Variants in ZAP70 observed in about 807,000 individuals in gnomAD.
ZAP70 encodes tyrosine-protein kinase ZAP-70.
Under a neutral mutation model 65.8 loss-of-function variants are expected in ZAP70, and 27 were observed. The ratio of observed to expected loss-of-function variants is 0.41; its 90% CI spans 0.30 to 0.57. ZAP70 has a LOEUF of 0.57. Ranked by LOEUF, ZAP70 falls within the 20% of genes least tolerant of loss-of-function variation. The pLI is 0.28. For missense variants in ZAP70, 696 were observed against 870.5 expected, an observed-to-expected ratio of 0.80 and a Z score of 2.52; for synonymous variants, 363 against 360.8, an observed-to-expected ratio of 1.01 and a Z score of -0.07.
Position 97,724,051 on chromosome 2 carries a change from G to A in ZAP70, c.15G>A (p.Ala5=). ...GCCCAGGGGCGATGCCAGACCCCGC[G>A]GCGCACCTGCCCTTCTTCTACGGCA... The part of the protein sequence containing the change: MPDP[A]AHLPFFYGSI... Residue 5 remains alanine, a synonymous_variant, in exon 3 of 14, where the codon GCG becomes GCA. Coordinates refer to ENST00000264972, the MANE Select transcript of ZAP70 (RefSeq NM_001079.4). The A allele has an allele frequency of 6.4e-7, 1 of 1,553,440 alleles. No homozygotes were observed. The highest frequency in any genetic ancestry group is 8.7e-7 in the Non-Finnish European group (1 of 1,155,478).
In ZAP70 at chr2:97,725,025, C is replaced by G. The variant is rs1677324783; in HGVS notation, c.403-67C>G. Reference sequence around the variant, plus strand: ...TGGGGAGTCCTCTGGGACAGGGCTCCCGGAAGGGGGTTCCTGTGGCGAGCA... The same window carrying G: ...TGGGGAGTCCTCTGGGACAGGGCTCGCGGAAGGGGGTTCCTGTGGCGAGCA... On this transcript the variant is annotated intron_variant, in intron 3 of 13. Transcript: ENST00000264972. The G allele has an allele frequency of 1.9e-6, 3 of 1,602,244 alleles. No homozygotes were observed. The Admixed American group carries it at 5.1e-5, about 27-fold the overall frequency.
rs573777558 is a variant in ZAP70, at chr2:97,736,687, G to A, written c.1290-786G>A. Among the ~76,000 whole-genome samples, 2 of 152,278 alleles carry A rather than the reference G, an allele frequency of 1.3e-5. No homozygotes were observed. Among genetic ancestry groups the A allele is most frequent in the African/African-American group, 4.8e-5 (2 of 41,562 alleles). On this transcript the variant is annotated intron_variant, in intron 10 of 13. Transcript: ENST00000264972. This position sits in a 1 kb window ranked among gnomAD's most constrained non-coding sequence, Gnocchi z 4.0. ...AGGTTTGAACAAACTGAGGGAGGCC[G>A]CCATGCCCAGACGTGGGGAAGGGCA...
At chr2:97,723,137 C>A (rs1677224547) in intron 2 of ZAP70, among the ~76,000 whole-genome samples, 2 of 152,210 alleles carry the variant, frequency 1.3e-5, no homozygotes, top group African/African-American at 2.4e-5. Context: ...AATTCCTCCT[C>A]CCCTCAATCA....
At chr2:97,750,241 G>A in the ZAP70 span, among the ~76,000 whole-genome samples, 181 of 152,324 alleles carry the variant, frequency 1.2e-3, no homozygotes, top group Non-Finnish European at 2.0e-3. Context: ...GCAACGCACC[G>A]CAGTTAAAGC....
rs77987873 is a variant in ZAP70 at position 97,727,842 on chromosome 2, C to T, written c.563+2590C>T. The stretch of plus-strand genomic sequence containing the variant: ...TTCCCTCCCCACCCCCATCTCTCTT[C>T]CTCATCTTGCACTCACACACACACA... On this transcript the variant is annotated intron_variant, in intron 4 of 13. Transcript: ENST00000264972. 4.5e-3 allele frequency among the ~76,000 whole-genome samples: 683 copies of T among 152,274 alleles called. 14 individuals are homozygous for T. The East Asian group carries it at 0.067, about 15-fold the overall frequency.
At chr2:97,718,251 T>C (rs906735680) in intron 2 of ZAP70, among the ~76,000 whole-genome samples, 2 of 152,066 alleles carry the variant, frequency 1.3e-5, no homozygotes, top group Non-Finnish European at 2.9e-5. Flanking sequence ...ACAGAAACAT[T>C]TGATCCCCTG....
chr2:97,725,319 G>C, intron 4 of ZAP70, 67 bp downstream of exon 4: 1 of 1,588,696 alleles, frequency 6.3e-7, no homozygotes, highest in Non-Finnish European at 8.6e-7. Context: ...CTGGGGACTG[G>C]GGCAGACGTG....
Position 97,737,357 on chromosome 2 carries a change from C to A in ZAP70, c.1290-116C>A. On this transcript the variant is annotated intron_variant, in intron 10 of 13. Coordinates refer to ENST00000264972, the MANE Select transcript of ZAP70 (RefSeq NM_001079.4). The surrounding 1 kb of genome is among the most constrained non-coding windows in gnomAD (Gnocchi z 5.0). ...TGGCACACAGCAGGTGCTCAATAAG[C>A]GTTTTTGAACACATGGTCACCTGGC... is the stretch of plus-strand genomic sequence containing the variant. 1 of 1,090,392 alleles carries A rather than the reference C, an allele frequency of 9.2e-7. No homozygotes were observed. The highest frequency in any genetic ancestry group is 1.4e-6 in the Non-Finnish European group (1 of 725,092). The allele number at this position is 1,090,392 out of a possible 1,614,324, so 67.5% of individuals were successfully genotyped here. A position where few individuals can be genotyped will look rare whatever the true frequency, so the allele number is the denominator to read the frequency against.
chr2:97,753,635 AC>A, the ZAP70 span, among the ~76,000 whole-genome samples: 2 of 152,180 alleles, frequency 1.3e-5, no homozygotes, highest in Admixed American at 6.5e-5. Context: ...AGGTAAAAAA[AC>A]ATTTAAAAAA....
chr2:97,734,817 T>C, intron 9 of ZAP70, 105 bp downstream of exon 9: 1 of 1,469,222 alleles, frequency 6.8e-7, no homozygotes, highest in Non-Finnish European at 9.4e-7. Context: ...CACAGCAGTT[T>C]GCCTGGGAAA....
intron 13 of ZAP70, 50 bp from the exon 14 acceptor site, chr2:97,739,325 T>G: frequency 6.2e-7 from 1 of 1,608,426 alleles, no homozygotes; most frequent in South Asian, 1.1e-5. Context: ...CTGGTGAAGC[T>G]GGGTCCTGGG....
chr2:97,732,600 G>A (rs559421635), intron 4 of ZAP70: 15 of 530,004 alleles, frequency 2.8e-5, no homozygotes, highest in Admixed American at 9.6e-5. Flanking sequence ...GGTGTCCACC[G>A]TGGGGGGTCA....
At chr2:97,756,140 C>T in the ZAP70 span, among the ~76,000 whole-genome samples, 6 of 150,918 alleles carry the variant, frequency 4.0e-5, no homozygotes, top group African/African-American at 1.5e-4. Flanking sequence ...AAGTTGTTTT[C>T]GATCAAGGAC....
rs1239464277 is a variant in ZAP70, at chr2:97,715,221, G to A, written c.-22+1227G>A. 6.6e-6 allele frequency among the ~76,000 whole-genome samples: 1 copy of A among 152,156 alleles called. No homozygotes were observed. The highest frequency in any genetic ancestry group is 2.4e-5 in the African/African-American group (1 of 41,436). Reference sequence around the variant, plus strand: ...AGGGTTAAGGCAGCCATTCTCATCAGAGCCAATTTTACCTCCTCCCGTCTC... The same window carrying A: ...AGGGTTAAGGCAGCCATTCTCATCAAAGCCAATTTTACCTCCTCCCGTCTC... On this transcript the variant is annotated intron_variant, in intron 2 of 13. Transcript: ENST00000264972. The surrounding 1 kb of genome is among the most constrained non-coding windows in gnomAD (Gnocchi z 4.1).
intron 2 of ZAP70, among the ~76,000 whole-genome samples, chr2:97,718,821 A>G (rs1021104475): frequency 1.3e-5 from 2 of 152,154 alleles, no homozygotes; most frequent in African/African-American, 2.4e-5. Flanking sequence ...CTCTGCACCC[A>G]TGGTCCTTGG....
chr2:97,733,839 C>A (rs535112223), intron 8 of ZAP70: 4 of 597,546 alleles, frequency 6.7e-6, no homozygotes, highest in East Asian at 2.8e-5. Flanking sequence ...CCCAGACACA[C>A]GTTTGTTGAG....
chr2:97,739,617 A>AG lies in ZAP70; in HGVS notation c.*124dup. 1 of 1,436,394 alleles carries AG rather than the reference A, an allele frequency of 7.0e-7. No homozygotes were observed. Among genetic ancestry groups the AG allele is most frequent in the Non-Finnish European group, 9.4e-7 (1 of 1,066,554 alleles). 89.0% of individuals were successfully genotyped at this position (1,436,394 alleles called of 1,614,324 possible). A position where few individuals can be genotyped will look rare whatever the true frequency, so the allele number is the denominator to read the frequency against. ...TCTCCACACACAGCTGGGCTGTGGT[A>AG]GGGGGTGTCTCAGGCCACACCGGCC... On this transcript the variant is annotated 3_prime_UTR_variant, in exon 14 of 14. Transcript: ENST00000264972.
chr2:97,724,559 C>A (rs1247686918), intron 3 of ZAP70, 121 bp downstream of exon 3: 3 of 1,532,980 alleles, frequency 2.0e-6, no homozygotes, highest in Non-Finnish European at 2.6e-6. Flanking sequence ...CCTTTGGAAG[C>A]TGGAGAGGTG....
chr2:97,723,000 G>A (rs1333295193), intron 2 of ZAP70, among the ~76,000 whole-genome samples: 2 of 152,160 alleles, frequency 1.3e-5, no homozygotes, highest in Non-Finnish European at 2.9e-5. Context: ...TTAGTTTTCG[G>A]AAAATCAGAC....
Sources: gnomAD v4.1 joint callset for allele counts (sites outside exome capture counted in the v4.1 genomes callset) on GRCh38, gnomAD v4.1.1 for gene constraint, Gnocchi (gnomAD v3.1) non-coding constraint, MANE v1.5 for transcripts, NCBI Gene and HGNC (gene_info 2026-07-23, HGNC 2026-07-21) for gene names.